Variants in RBBP4 observed in about 807,000 individuals in gnomAD.
The protein encoded by RBBP4 is histone-binding protein RBBP4.
RBBP4 carries 3 observed loss-of-function variants against 57.2 expected under a neutral mutation model. The ratio of observed to expected loss-of-function variants is 0.05; its 90% confidence interval spans 0.02 to 0.14. The LOEUF (loss-of-function observed/expected upper bound fraction) is 0.14, where lower values mean the gene tolerates loss of function less well. RBBP4 is among the 10% of genes least tolerant of loss of function. The pLI is 1.00. For missense variants in RBBP4, 107 were observed against 520.6 expected (o/e 0.21, Z 7.73); for synonymous variants, 151 against 171.5 (o/e 0.88, Z 0.93).
In RBBP4 at chr1:32,683,676, C is replaced by G. The variant is rs1173787279; in HGVS notation, c.*3971C>G. The G allele has an allele frequency of 5.1e-6, 1 of 197,344 alleles. No homozygotes were observed. The highest frequency in any genetic ancestry group is 1.3e-4 in the East Asian group (1 of 7,468). 12.2% of individuals were successfully genotyped at this position (197,344 alleles called of 1,614,324 possible). A position where few individuals can be genotyped will look rare whatever the true frequency, so the allele number is the denominator to read the frequency against. On this transcript the variant is annotated 3_prime_UTR_variant, in exon 12 of 12. Transcript: ENST00000373493. ...TTTGAGGCAGTCTCACTCTGTTGTA[C>G]AAGCTGGAGTGCTGTATTGTGATCT... is the stretch of plus-strand genomic sequence containing the variant.
At chr1:32,660,898 C>G (rs1023429322) in intron 3 of RBBP4, among the ~76,000 whole-genome samples, 1 of 152,188 alleles carries the variant, frequency 6.6e-6, no homozygotes. Context: ...CAACCTCTGC[C>G]TCCTGGGCTC....
chr1:32,681,581 A>G lies in RBBP4; in HGVS notation c.*1876A>G. ...GTGAGGGTTGTTGCTGGAAGACAGG[A>G]GGCTCATCTTTCCTTTCCTTGGTGC... is the stretch of plus-strand genomic sequence containing the variant. On this transcript the variant is annotated 3_prime_UTR_variant, in exon 12 of 12. Coordinates refer to ENST00000373493, the MANE Select transcript of RBBP4 (RefSeq NM_005610.3). The G allele has an allele frequency of 3.5e-6, 2 of 569,922 alleles. No individual in the cohort carries two copies. Among genetic ancestry groups the G allele is most frequent in the East Asian group, 2.9e-5 (1 of 34,146 alleles). The allele number at this position is 569,922 out of a possible 1,614,324, so 35.3% of individuals were successfully genotyped here. A position where few individuals can be genotyped will look rare whatever the true frequency, so the allele number is the denominator to read the frequency against.
At chr1:32,676,716 A>G (rs1387968116) in intron 11 of RBBP4, among the ~76,000 whole-genome samples, 2 of 152,134 alleles carry the variant, frequency 1.3e-5, no homozygotes, top group African/African-American at 4.8e-5. Context: ...TTTTACAAAA[A>G]AGATGTGTAA....
At chr1:32,653,644 T>TG (rs1557849808) in intron 2 of RBBP4, among the ~76,000 whole-genome samples, 4 of 22,462 alleles carry the variant, frequency 1.8e-4, no homozygotes, top group African/African-American at 2.2e-4. Flanking sequence ...CTGGTTTTTT[T>TG]TTTTTTTTTT....
Position 32,680,637 on chromosome 1 carries a change from A to T in RBBP4, c.*932A>T. On this transcript the variant is annotated 3_prime_UTR_variant, in exon 12 of 12. Coordinates refer to ENST00000373493, the MANE Select transcript of RBBP4 (RefSeq NM_005610.3). Reference sequence around the variant, plus strand: ...TGTGTAAGTGCTTAAAATGGAATAAATTGCTTTTCTACATAACCCCATGCT... The same window carrying T: ...TGTGTAAGTGCTTAAAATGGAATAATTTGCTTTTCTACATAACCCCATGCT... 2.4e-6 allele frequency: 3 copies of T among 1,246,666 alleles called. No homozygotes were observed. The South Asian group carries it at 4.2e-5, about 17-fold the overall frequency. 77.2% of individuals were successfully genotyped at this position (1,246,666 alleles called of 1,614,324 possible). A position where few individuals can be genotyped will look rare whatever the true frequency, so the allele number is the denominator to read the frequency against.
intron 3 of RBBP4, among the ~76,000 whole-genome samples, chr1:32,667,170 C>T (rs1180087108): frequency 6.6e-6 from 1 of 152,196 alleles, no homozygotes; most frequent in Non-Finnish European, 1.5e-5. Flanking sequence ...GAGGCCTAAA[C>T]CCCTCCTTGT....
chr1:32,651,839 C>A, intron 1 of RBBP4, 75 bp from the exon 2 acceptor site: 2 of 1,464,118 alleles, frequency 1.4e-6, no homozygotes, highest in South Asian at 2.5e-5. Flanking sequence ...CTGTAGGAGT[C>A]ATGCAGGTGG....
At chr1:32,653,958 T>C (rs1005004893) in intron 2 of RBBP4, among the ~76,000 whole-genome samples, 5 of 152,014 alleles carry the variant, frequency 3.3e-5, no homozygotes, top group African/African-American at 1.2e-4. Flanking sequence ...GCGCCCGGCC[T>C]AGAAGCTTCT....
At chr1:32,673,407 T>C (rs2148529757) in intron 11 of RBBP4, 1 of 399,996 alleles carries the variant, frequency 2.5e-6, no homozygotes, top group South Asian at 1.9e-5. Flanking sequence ...CCTATCTCTA[T>C]CTCAAAGAAT....
chr1:32,668,707 T>C (rs2148526352), intron 4 of RBBP4, 32 bp from the exon 5 acceptor site: 1 of 1,554,138 alleles, frequency 6.4e-7, no homozygotes. Flanking sequence ...GCCAGTGGAC[T>C]GGGTAGTCTT....
intron 3 of RBBP4, among the ~76,000 whole-genome samples, chr1:32,667,727 T>G (rs1384420671): frequency 6.6e-6 from 1 of 152,218 alleles, no homozygotes; most frequent in Non-Finnish European, 1.5e-5. Context: ...CGTGGGGAAT[T>G]GTTTCCAAGA....
intron 2 of RBBP4, 55 bp from the exon 3 acceptor site, chr1:32,657,372 T>A: frequency 6.5e-7 from 1 of 1,541,198 alleles, no homozygotes; most frequent in South Asian, 1.2e-5. Flanking sequence ...TATTGTTGAC[T>A]TCGCCGTCTC....
At chr1:32,675,387 G>A (rs563164387) in intron 11 of RBBP4, among the ~76,000 whole-genome samples, 1 of 152,160 alleles carries the variant, frequency 6.6e-6, no homozygotes, top group African/African-American at 2.4e-5. Context: ...TGACCTGCCA[G>A]ACTAACAGAT....
chr1:32,682,778 A>C lies in RBBP4; in HGVS notation c.*3073A>C, dbSNP rs1217548920. The C allele has an allele frequency of 6.6e-6, 1 of 151,964 alleles. No individual in the cohort carries two copies. The highest frequency in any genetic ancestry group is 1.5e-5 in the Non-Finnish European group (1 of 67,988). The allele number at this position is 151,964 out of a possible 1,614,324, so 9.4% of individuals were successfully genotyped here. A position where few individuals can be genotyped will look rare whatever the true frequency, so the allele number is the denominator to read the frequency against. On this transcript the variant is annotated 3_prime_UTR_variant, in exon 12 of 12. Transcript: ENST00000373493. ...AGAGCGAGACTGTCTCAAAAAAAAA[A>C]GAAAGTTGTGAATTTGATGTAAGCT...
intron 3 of RBBP4, among the ~76,000 whole-genome samples, chr1:32,658,945 A>G (rs1467940149): frequency 1.9e-4 from 1 of 5,392 alleles, no homozygotes; most frequent in Non-Finnish European, 5.1e-3. Flanking sequence ...TTATATATAA[A>G]CATACGTATA....
chr1:32,657,907 T>C (rs1236354834), intron 3 of RBBP4, among the ~76,000 whole-genome samples: 1 of 152,126 alleles, frequency 6.6e-6, no homozygotes, highest in African/African-American at 2.4e-5. Context: ...GGTTGGAGTG[T>C]AGTGGCACGA....
In RBBP4 at chr1:32,684,229, A is replaced by G. The variant is rs1249390219; in HGVS notation, c.*4524A>G. On this transcript the variant is annotated 3_prime_UTR_variant, in exon 12 of 12. Transcript: ENST00000373493. ...CCACCATCCCCTCAGCCAGTATTAG[A>G]TGAGATTTGTATAGCAGCAGAAACT... 1 of 1,613,886 alleles carries G rather than the reference A, an allele frequency of 6.2e-7. No homozygotes were observed. Among genetic ancestry groups the G allele is most frequent in the Non-Finnish European group, 8.5e-7 (1 of 1,179,784 alleles).
At chr1:32,660,587 A>ATT (rs1648361264) in intron 3 of RBBP4, among the ~76,000 whole-genome samples, 5 of 35,104 alleles carry the variant, frequency 1.4e-4, no homozygotes, top group Admixed American at 8.1e-4. Context: ...CAGATAACTT[A>ATT]ATTTTTTTTT....
intron 2 of RBBP4, 128 bp from the exon 3 acceptor site, chr1:32,657,299 C>T: frequency 1.2e-6 from 1 of 857,600 alleles, no homozygotes; most frequent in Non-Finnish European, 1.8e-6. Flanking sequence ...AAAGAAAAGA[C>T]CCTTAATGAC....
Sources: gnomAD v4.1 joint callset for allele counts (sites outside exome capture counted in the v4.1 genomes callset) on GRCh38, gnomAD v4.1.1 for gene constraint, MANE v1.5 for transcripts, NCBI Gene and HGNC (gene_info 2026-07-23, HGNC 2026-07-21) for gene names.